The following DIAPH3 variants were observed in gnomAD, a reference collection of about 807,000 sequenced individuals.
DIAPH3 encodes protein diaphanous homolog 3.
Under a neutral mutation model 144.3 loss-of-function variants are expected in DIAPH3, and 117 were observed. The ratio of observed to expected loss-of-function variants is 0.81; its 90% CI spans 0.70 to 0.95. DIAPH3 has a LOEUF of 0.95. Among genes scored for constraint, DIAPH3 ranks in the 40% least tolerant of loss-of-function variants. The probability of loss-of-function intolerance (pLI) is 0.00; values close to 1 mark genes in which losing one functional copy is unlikely to be tolerated. For synonymous variants in DIAPH3, 519 were observed against 488.9 expected (o/e 1.06, Z -0.81); for missense variants, 1,421 against 1,412.7 (o/e 1.01, Z -0.09).
intron 25 of DIAPH3, among the ~76,000 whole-genome samples, chr13:59,779,904 C>G (rs2038648695): frequency 6.6e-6 from 1 of 152,118 alleles, no homozygotes; most frequent in Non-Finnish European, 1.5e-5. Context: ...TACAAATAGA[C>G]TCTTGAAATA....
intron 20 of DIAPH3, among the ~76,000 whole-genome samples, chr13:59,881,455 A>G (rs2045038761): frequency 6.6e-6 from 1 of 152,150 alleles, no homozygotes; most frequent in African/African-American, 2.4e-5. Context: ...TTCTATGCAA[A>G]ACATTTGTAT....
intron 5 of DIAPH3, among the ~76,000 whole-genome samples, chr13:60,019,261 A>T (rs2053852126): frequency 6.6e-6 from 1 of 152,190 alleles, no homozygotes; most frequent in Non-Finnish European, 1.5e-5. Context: ...ATTTCCACGA[A>T]CTAAAATCTG....
At chr13:60,016,558 C>A (rs1285807155) in intron 5 of DIAPH3, among the ~76,000 whole-genome samples, 2 of 151,898 alleles carry the variant, frequency 1.3e-5, no homozygotes, top group African/African-American at 4.8e-5. Context: ...TGGGGCTATG[C>A]CAAAGAAGAC....
At chr13:59,889,087 C>T (rs2045629904) in intron 20 of DIAPH3, among the ~76,000 whole-genome samples, 1 of 151,864 alleles carries the variant, frequency 6.6e-6, no homozygotes, top group South Asian at 2.1e-4. Context: ...GCCATGATAT[C>T]TTTTTCTCTT....
intron 27 of DIAPH3, among the ~76,000 whole-genome samples, chr13:59,744,885 C>T (rs77876672): frequency 0.033 from 4,984 of 152,126 alleles, 120 homozygotes; most frequent in Middle Eastern, 0.054. Flanking sequence ...AGAGATGCAC[C>T]ATGTTGGGGA....
chr13:59,966,499 G>A (rs1032309524), intron 17 of DIAPH3, among the ~76,000 whole-genome samples: 5 of 152,118 alleles, frequency 3.3e-5, no homozygotes, highest in African/African-American at 9.6e-5. Flanking sequence ...GATATATCAC[G>A]TATGCACAAT....
intron 1 of DIAPH3, 104 bp downstream of exon 1, chr13:60,163,483 C>G (rs763386415): frequency 1.2e-4 from 177 of 1,488,826 alleles, no homozygotes; most frequent in Non-Finnish European, 1.5e-4. Context: ...ACCTCTGGAT[C>G]TCTAGAATAA....
At chr13:59,667,801 T>C (rs1465132516) in intron 27 of DIAPH3, among the ~76,000 whole-genome samples, 1 of 152,180 alleles carries the variant, frequency 6.6e-6, no homozygotes, top group Non-Finnish European at 1.5e-5. Context: ...CATTTAAAGT[T>C]TTTTGGTTAT....
chr13:59,709,540 A>G (rs1470248511), intron 27 of DIAPH3, among the ~76,000 whole-genome samples: 1 of 152,220 alleles, frequency 6.6e-6, no homozygotes, highest in East Asian at 1.9e-4. Flanking sequence ...CAAAATCACA[A>G]TGAGATACCA....
At chr13:59,822,299 G>A (rs1408133518) in intron 24 of DIAPH3, among the ~76,000 whole-genome samples, 2 of 152,090 alleles carry the variant, frequency 1.3e-5, no homozygotes. Context: ...AAGTCGCTAT[G>A]CACAAGATGG....
chr13:60,099,394 T>C (rs1332033982), intron 3 of DIAPH3, among the ~76,000 whole-genome samples: 2 of 152,190 alleles, frequency 1.3e-5, no homozygotes, highest in African/African-American at 2.4e-5. Context: ...TTTGTAGACA[T>C]GGTGGGATGC....
chr13:60,072,417 C>T (rs75252595), intron 4 of DIAPH3, among the ~76,000 whole-genome samples: 5,592 of 152,198 alleles, frequency 0.037, 137 homozygotes, highest in East Asian at 0.074. Context: ...TTCATACATG[C>T]CTTTACACAC....
At chr13:59,872,337 T>A (rs575047107) in intron 21 of DIAPH3, among the ~76,000 whole-genome samples, 9 of 152,252 alleles carry the variant, frequency 5.9e-5, no homozygotes, top group South Asian at 2.1e-4. Flanking sequence ...TTTGTTTTTT[T>A]AAAAAAATAC....
intron 1 of DIAPH3, among the ~76,000 whole-genome samples, chr13:60,149,298 C>A (rs1951674414): frequency 6.6e-6 from 1 of 152,130 alleles, no homozygotes; most frequent in East Asian, 1.9e-4. Context: ...CAGATATAGA[C>A]AATTACAGCA....
chr13:59,870,359 A>G (rs1593761069), intron 21 of DIAPH3, among the ~76,000 whole-genome samples: 1 of 151,968 alleles, frequency 6.6e-6, no homozygotes, highest in South Asian at 2.1e-4. Context: ...CAATACCACA[A>G]TATTTTCCTT....
intron 27 of DIAPH3, among the ~76,000 whole-genome samples, chr13:59,718,567 A>G (rs1185862295): frequency 6.6e-6 from 1 of 152,226 alleles, no homozygotes; most frequent in Non-Finnish European, 1.5e-5. Context: ...GATACAAGGT[A>G]GAAAGGGGAC....
chr13:59,723,627 T>A (rs1404992577), intron 27 of DIAPH3, among the ~76,000 whole-genome samples: 1 of 152,034 alleles, frequency 6.6e-6, no homozygotes, highest in Non-Finnish European at 1.5e-5. Flanking sequence ...TTTTTCCTTT[T>A]TGAGATGAAG....
At chr13:59,951,951 A>C (rs2049118332) in intron 17 of DIAPH3, among the ~76,000 whole-genome samples, 1 of 152,184 alleles carries the variant, frequency 6.6e-6, no homozygotes, top group Non-Finnish European at 1.5e-5. Flanking sequence ...ATTCAAATAC[A>C]TGTACACCAA....
At chr13:60,026,954 G>GA (rs1298393216) in intron 5 of DIAPH3, among the ~76,000 whole-genome samples, 1 of 152,070 alleles carries the variant, frequency 6.6e-6, no homozygotes, top group South Asian at 2.1e-4. Context: ...CTTAAAAGGA[G>GA]AAAAAATACA....
Sources: allele counts gnomAD v4.1 joint callset (sites outside exome capture counted in the v4.1 genomes callset), GRCh38; gene constraint gnomAD v4.1.1; transcripts MANE v1.5; gene names NCBI Gene and HGNC (gene_info 2026-07-23, HGNC 2026-07-21).